The following AGBL4 variants were observed in gnomAD, a reference collection of about 807,000 sequenced individuals.
The protein encoded by AGBL4 is cytosolic carboxypeptidase 6.
AGBL4 carries 58 observed loss-of-function variants against 66.4 expected under a neutral mutation model. That is an observed-to-expected ratio of 0.87 (90% CI 0.71 to 1.09). AGBL4 has a LOEUF of 1.09. AGBL4 is among the 50% of genes least tolerant of loss of function. The pLI, the probability that AGBL4 is intolerant of heterozygous loss-of-function variation, is 0.00. For synonymous variants in AGBL4, 234 were observed against 222.9 expected (o/e 1.05, Z -0.44); for missense variants, 579 against 631.0 (o/e 0.92, Z 0.88).
chr1:49,217,395 C>A (rs908988579), intron 4 of AGBL4, among the ~76,000 whole-genome samples: 6 of 152,096 alleles, frequency 3.9e-5, no homozygotes, highest in African/African-American at 1.4e-4. Flanking sequence ...CTGGAAAATG[C>A]ATGACCAGTT....
intron 3 of AGBL4, among the ~76,000 whole-genome samples, chr1:49,542,502 G>A (rs186048850): frequency 1.2e-4 from 18 of 152,186 alleles, no homozygotes; most frequent in East Asian, 9.7e-4. Context: ...GAGGGTCTGC[G>A]GCTTCATTCT....
At chr1:49,438,904 G>C (rs372928397) in intron 3 of AGBL4, among the ~76,000 whole-genome samples, 2 of 152,134 alleles carry the variant, frequency 1.3e-5, no homozygotes, top group Non-Finnish European at 2.9e-5. Flanking sequence ...ATCTTGTAAG[G>C]GCATTCTTGC....
At chr1:49,544,553 G>A (rs1652327137) in intron 3 of AGBL4, among the ~76,000 whole-genome samples, 1 of 152,130 alleles carries the variant, frequency 6.6e-6, no homozygotes, top group South Asian at 2.1e-4. Flanking sequence ...TATTTATCAA[G>A]CACTAGCACT....
In AGBL4 at chr1:48,671,388, C is replaced by G. The variant is rs766270121; in HGVS notation, c.635-8147G>C. On this transcript the variant is annotated intron_variant, in intron 6 of 13. Coordinates refer to ENST00000371839, the MANE Select transcript of AGBL4 (RefSeq NM_032785.4). ...CCTGCCATCCAGGAGCTCAACTGCT[C>G]TCCTGCAAGAATACTTTATTCAAAC... Among the ~76,000 whole-genome samples the G allele has an allele frequency of 3.1e-4, 47 of 152,360 alleles. 1 individual carries two copies. The highest frequency in any genetic ancestry group is 6.8e-3 in the Middle Eastern group (2 of 294).
intron 3 of AGBL4, among the ~76,000 whole-genome samples, chr1:49,417,368 G>T (rs1645449522): frequency 1.3e-5 from 2 of 152,146 alleles, no homozygotes; most frequent in South Asian, 4.1e-4. Context: ...CAGTTGGCCT[G>T]CTGTGGAGTC....
At chr1:48,897,808 T>TA (rs1291883596) in intron 5 of AGBL4, among the ~76,000 whole-genome samples, 31 of 33,434 alleles carry the variant, frequency 9.3e-4, no homozygotes, top group African/African-American at 2.0e-3. Flanking sequence ...TTTGCCCACT[T>TA]TTTTTTTTTT....
intron 6 of AGBL4, chr1:48,759,064 T>C (rs1180700535): frequency 1.2e-6 from 2 of 1,613,442 alleles, no homozygotes; most frequent in East Asian, 2.2e-5. Context: ...CATCTCTTCC[T>C]GTTGCTGCTG....
At chr1:49,142,359 A>G (rs1031142232) in intron 4 of AGBL4, among the ~76,000 whole-genome samples, 2 of 152,120 alleles carry the variant, frequency 1.3e-5, no homozygotes, top group Admixed American at 6.6e-5. Flanking sequence ...CTCAACATAT[A>G]GAGAAGAATG....
intron 9 of AGBL4, among the ~76,000 whole-genome samples, chr1:48,618,896 T>C (rs1049012388): frequency 6.6e-6 from 1 of 151,454 alleles, no homozygotes; most frequent in Non-Finnish European, 1.5e-5. Context: ...CAAAAGATAA[T>C]GGGGGTAATT....
intron 3 of AGBL4, among the ~76,000 whole-genome samples, chr1:49,503,058 A>G (rs948956123): frequency 1.3e-5 from 2 of 152,042 alleles, no homozygotes; most frequent in Non-Finnish European, 2.9e-5. Flanking sequence ...CCAGGGGCCA[A>G]GGAGGGAAAA....
At position 48,776,455 on chromosome 1, in the gene AGBL4, G is replaced by A. The variant is rs1484058657; in HGVS notation, c.634+90736C>T. ...TGGCCTGGCCTCTTAGAGACACCCC[G>A]TTCCCAAATGAAATGCCCAGAGGAC... On this transcript the variant is annotated intron_variant, in intron 6 of 13. Transcript: ENST00000371839. 8.0e-5 allele frequency: 48 copies of A among 603,584 alleles called. 1 individual carries two copies. The Admixed American group carries it at 2.0e-3, about 25-fold the overall frequency. The allele number at this position is 603,584 out of a possible 1,614,324, so 37.4% of individuals were successfully genotyped here.
intron 3 of AGBL4, among the ~76,000 whole-genome samples, chr1:49,359,015 A>G (rs1322068745): frequency 6.6e-4 from 101 of 152,200 alleles, no homozygotes; most frequent in African/African-American, 1.9e-3. Context: ...TTTATTACTT[A>G]TGTATTAATT....
At chr1:49,574,749 C>T (rs7522345) in intron 3 of AGBL4, among the ~76,000 whole-genome samples, 104,081 of 151,758 alleles carry the variant, frequency 0.69, 36,443 homozygotes, top group African/African-American at 0.78. Context: ...GCATAGCTAC[C>T]GTCATGGACA....
At chr1:49,080,784 GA>G (rs1644796339) in intron 4 of AGBL4, among the ~76,000 whole-genome samples, 2 of 152,042 alleles carry the variant, frequency 1.3e-5, no homozygotes, top group African/African-American at 4.8e-5. Context: ...CGTAATACTT[GA>G]AACAAAAGAT....
intron 5 of AGBL4, among the ~76,000 whole-genome samples, chr1:49,007,464 T>A (rs1045357636): frequency 2.0e-5 from 3 of 149,156 alleles, no homozygotes; most frequent in Non-Finnish European, 3.0e-5. Flanking sequence ...CAGGATATTA[T>A]CCAGGAGAAC....
At chr1:49,070,641 T>G (rs1407831905) in intron 4 of AGBL4, among the ~76,000 whole-genome samples, 2 of 151,976 alleles carry the variant, frequency 1.3e-5, no homozygotes, top group African/African-American at 4.8e-5. Context: ...TGCCAGTATT[T>G]TATTGAGGAT....
intron 2 of AGBL4, among the ~76,000 whole-genome samples, chr1:49,740,183 T>G (rs565773308): frequency 4.4e-4 from 67 of 151,956 alleles, no homozygotes; most frequent in Admixed American, 2.8e-3. Flanking sequence ...CACATAGGCT[T>G]AAAATAAAGG....
chr1:48,844,795 C>T (rs1174836307), intron 6 of AGBL4, among the ~76,000 whole-genome samples: 1 of 152,186 alleles, frequency 6.6e-6, no homozygotes, highest in African/African-American at 2.4e-5. Context: ...ATGCATTTCT[C>T]ATTTATACCT....
intron 6 of AGBL4, among the ~76,000 whole-genome samples, chr1:48,735,393 G>A (rs1648863279): frequency 6.6e-6 from 1 of 151,962 alleles, no homozygotes; most frequent in Non-Finnish European, 1.5e-5. Context: ...ATGGAGGGAG[G>A]GTGGGAGAGA....
Sources: allele counts gnomAD v4.1 joint callset (sites outside exome capture counted in the v4.1 genomes callset), GRCh38; gene constraint gnomAD v4.1.1; transcripts MANE v1.5; gene names NCBI Gene and HGNC (gene_info 2026-07-23, HGNC 2026-07-21).